The following CHD9 variants were observed in gnomAD, a reference collection of about 807,000 sequenced individuals.
CHD9 encodes the protein chromodomain helicase DNA binding protein 9.
A neutral mutation model predicts 316.1 loss-of-function variants in CHD9; 77 were observed. The ratio of observed to expected loss-of-function variants is 0.24; its 90% CI spans 0.20 to 0.29. The LOEUF is 0.29. Ranked by LOEUF, CHD9 falls within the 10% of genes least tolerant of loss-of-function variation. CHD9 has a pLI of 1.00. For synonymous variants in CHD9, 1,129 were observed against 1,158.3 expected (o/e 0.97, Z 0.51); for missense variants, 2,763 against 3,438.1 (o/e 0.80, Z 4.91).
At chr16:53,154,716 A>G (rs757346007) in intron 1 of CHD9, among the ~76,000 whole-genome samples, 1 of 152,160 alleles carries the variant, frequency 6.6e-6, no homozygotes, top group Non-Finnish European at 1.5e-5. Flanking sequence ...ATGTGACAGG[A>G]GGCGGAGCTC....
intron 24 of CHD9, among the ~76,000 whole-genome samples, chr16:53,275,904 C>T (rs1272253496): frequency 6.6e-6 from 1 of 152,074 alleles, no homozygotes; most frequent in African/African-American, 2.4e-5. Context: ...ACCTCTTTTT[C>T]TCCCCACTAC....
At chr16:53,207,851 G>A (rs62048054) in intron 2 of CHD9, 43,814 of 157,044 alleles carry the variant, frequency 0.28, 6,212 homozygotes, top group Middle Eastern at 0.32. Context: ...ATGGCAGAGT[G>A]AGAGTTAATG....
chr16:53,092,120 C>G (rs762183112), intron 1 of CHD9, among the ~76,000 whole-genome samples: 6 of 152,308 alleles, frequency 3.9e-5, no homozygotes, highest in Admixed American at 3.3e-4. Flanking sequence ...ACTTCCCCCC[C>G]AGCTGTGGAT....
intron 1 of CHD9, among the ~76,000 whole-genome samples, chr16:53,143,834 TTA>T (rs1259397543): frequency 2.0e-5 from 3 of 152,224 alleles, no homozygotes; most frequent in Non-Finnish European, 4.4e-5. Context: ...ACTCATGCTG[TTA>T]CATGTTAAGG....
chr16:53,209,498 A>G lies in CHD9; in HGVS notation c.1469A>G (p.Lys490Arg), dbSNP rs1393600223. The change falls in exon 3 of 39, where the codon AAG becomes AGG. Residue 490 changes from lysine to arginine, a missense_variant. Transcript: ENST00000447540. ...CLQRQPPSSK[K>R]SDGSGTYTKL... ...TTTCTGTAGCCTCCATCTTCCAAGAAGAGCGATGGTTCTGGGACATATACT... is the reference window on the plus strand; with the variant it reads ...TTTCTGTAGCCTCCATCTTCCAAGAGGAGCGATGGTTCTGGGACATATACT... 5 of 1,601,724 alleles carry G rather than the reference A, an allele frequency of 3.1e-6. No homozygotes were observed. In the African/African-American group the frequency reaches 4.0e-5, roughly 13 times the overall value.
At chr16:53,120,394 A>C (rs868774529) in intron 1 of CHD9, among the ~76,000 whole-genome samples, 1 of 152,038 alleles carries the variant, frequency 6.6e-6, no homozygotes, top group East Asian at 1.9e-4. Context: ...CAGGCGGATC[A>C]CCTGAGGTCG....
intron 29 of CHD9, among the ~76,000 whole-genome samples, chr16:53,294,603 A>C (rs2054620792): frequency 6.6e-6 from 1 of 152,162 alleles, no homozygotes; most frequent in Non-Finnish European, 1.5e-5. Context: ...GGGAGCTCAG[A>C]TCCCAAGAGG....
rs561063139 is a variant in CHD9 at position 53,242,403 on chromosome 16, G to C, written c.2878-437G>C. ...CAACTAGAACAGGGTCTAGCACATA[G>C]ATACTCAATATCTGCTGAATAAAGT... On this transcript the variant is annotated intron_variant, in intron 12 of 38. Coordinates refer to ENST00000447540, the MANE Select transcript of CHD9 (RefSeq NM_001308319.2). Among the ~76,000 whole-genome samples the C allele has an allele frequency of 7.2e-5, 11 of 152,224 alleles. No homozygotes were observed. The South Asian group carries it at 2.3e-3, about 32-fold the overall frequency.
chr16:53,254,373 C>T, intron 17 of CHD9, 65 bp from the exon 18 acceptor site: 1 of 1,199,740 alleles, frequency 8.3e-7, no homozygotes. Context: ...ATATGCCATA[C>T]ATATAGTTTA....
At chr16:53,272,114 A>G (rs771702443) in intron 22 of CHD9, among the ~76,000 whole-genome samples, 1 of 152,150 alleles carries the variant, frequency 6.6e-6, no homozygotes, top group Non-Finnish European at 1.5e-5. Flanking sequence ...AAGAGATATT[A>G]TTAAACACCA....
intron 1 of CHD9, chr16:53,130,879 T>C (rs1257863347): frequency 1.3e-5 from 2 of 151,634 alleles, no homozygotes; most frequent in African/African-American, 2.4e-5. Flanking sequence ...GGCACAAATA[T>C]GCAAATAGCG....
intron 2 of CHD9, among the ~76,000 whole-genome samples, chr16:53,205,200 TA>T (rs1318149613): frequency 1.4e-4 from 21 of 152,218 alleles, no homozygotes; most frequent in Non-Finnish European, 4.4e-5. Context: ...TTTAAATTTT[TA>T]AATACTTTGT....
chr16:53,196,862 C>T (rs769424066), intron 2 of CHD9, among the ~76,000 whole-genome samples: 2 of 152,046 alleles, frequency 1.3e-5, no homozygotes, highest in Non-Finnish European at 2.9e-5. Flanking sequence ...TTTGTTTTTT[C>T]TCATATATTT....
At chr16:53,264,712 C>T (rs759596375) in intron 20 of CHD9, among the ~76,000 whole-genome samples, 7 of 151,990 alleles carry the variant, frequency 4.6e-5, no homozygotes, top group Non-Finnish European at 8.8e-5. Context: ...GAGGTCACTG[C>T]GAAAGGATTA....
intron 26 of CHD9, among the ~76,000 whole-genome samples, chr16:53,287,321 C>T (rs1173837705): frequency 6.6e-6 from 1 of 152,142 alleles, no homozygotes; most frequent in Non-Finnish European, 1.5e-5. Flanking sequence ...AGATATGAAA[C>T]CCACACATAA....
At chr16:53,292,802 G>A in intron 28 of CHD9, 31 bp from the exon 29 acceptor site, 1 of 1,553,854 alleles carries the variant, frequency 6.4e-7, no homozygotes, top group Non-Finnish European at 8.9e-7. Flanking sequence ...TATCTGTTTA[G>A]TTATTATTAC....
At chr16:53,265,154 A>T (rs1567586111) in intron 20 of CHD9, among the ~76,000 whole-genome samples, 1 of 152,128 alleles carries the variant, frequency 6.6e-6, no homozygotes, top group Non-Finnish European at 1.5e-5. Context: ...TAATTCCAGC[A>T]CTTCAGGAGG....
At chr16:53,306,180 T>C (rs2055950268) in intron 31 of CHD9, 57 bp from the exon 32 acceptor site, 8 of 1,000,864 alleles carry the variant, frequency 8.0e-6, no homozygotes, top group Admixed American at 6.3e-5. Flanking sequence ...AAAATCCTTA[T>C]ATATAAAACT....
At chr16:53,263,633 T>G (rs1263421293) in intron 20 of CHD9, among the ~76,000 whole-genome samples, 1 of 152,148 alleles carries the variant, frequency 6.6e-6, no homozygotes, top group South Asian at 2.1e-4. Context: ...ATCAGTGTTT[T>G]TCAGTCTTAC....
Sources: gnomAD v4.1 joint callset for allele counts (sites outside exome capture counted in the v4.1 genomes callset) on GRCh38, gnomAD v4.1.1 for gene constraint, MANE v1.5 for transcripts, NCBI Gene and HGNC (gene_info 2026-07-23, HGNC 2026-07-21) for gene names.